Variants in PISD observed in about 807,000 individuals in gnomAD.
The protein encoded by PISD is phosphatidylserine decarboxylase.
In PISD, 31 loss-of-function variants were observed where a neutral mutation model predicts 43.5. That is an observed-to-expected ratio of 0.71 (90% CI 0.54 to 0.96). The LOEUF (loss-of-function observed/expected upper bound fraction) is 0.96, where lower values mean the gene tolerates loss of function less well. Among genes scored for constraint, PISD ranks in the 40% least tolerant of loss-of-function variants. The pLI, the probability that PISD is intolerant of heterozygous loss-of-function variation, is 0.00. For synonymous variants in PISD, 259 were observed against 228.7 expected (o/e 1.13, Z -1.20); for missense variants, 523 against 548.4 (o/e 0.95, Z 0.46).
intron 3 of PISD, among the ~76,000 whole-genome samples, chr22:31,639,532 G>A (rs55673702): frequency 0.093 from 14,127 of 152,178 alleles, 866 homozygotes; most frequent in African/African-American, 0.18. Flanking sequence ...CTAGCTGAAA[G>A]TGTATATTTT....
Position 31,624,587 on chromosome 22 carries a change from T to G in PISD, c.322-2702A>C, listed in dbSNP as rs145200600. Among the ~76,000 whole-genome samples the G allele has an allele frequency of 7.8e-4, 119 of 152,034 alleles. 1 individual carries two copies. Among genetic ancestry groups the G allele is most frequent in the Non-Finnish European group, 1.3e-3 (89 of 67,990 alleles). ...GGTTCTGAAAACCCATCCACAGGTT[T>G]GTGAACAAAACCTCCCCACCACAAG... On this transcript the variant is annotated intron_variant, in intron 3 of 7. Transcript: ENST00000439502.
rs1389283958 is a variant in PISD at position 31,619,202 on chromosome 22, TAAGGCCAA to T, written c.*402_*409del. The T allele has an allele frequency of 1.5e-5, 5 of 324,390 alleles. No individual in the cohort carries two copies. Among genetic ancestry groups the T allele is most frequent in the Admixed American group, 1.3e-4 (3 of 22,458 alleles). The allele number at this position is 324,390 out of a possible 1,614,324, so 20.1% of individuals were successfully genotyped here. A position where few individuals can be genotyped will look rare whatever the true frequency, so the allele number is the denominator to read the frequency against. On this transcript the variant is annotated 3_prime_UTR_variant, in exon 8 of 8. Transcript: ENST00000439502. The stretch of plus-strand genomic sequence containing the variant: ...ACCTCACCCTGTGCAGCAGGAGCGT[TAAGGCCAA>T]AAAACAAAAGGGGCCAACAGAAAAC...
chr22:31,653,510 T>A (rs2074088402), intron 1 of PISD, among the ~76,000 whole-genome samples: 1 of 152,150 alleles, frequency 6.6e-6, no homozygotes, highest in Non-Finnish European at 1.5e-5. Context: ...GGCACTCAGG[T>A]GGTTTGTTTT....
chr22:31,654,211 G>C (rs1380704047), intron 1 of PISD, among the ~76,000 whole-genome samples: 1 of 152,108 alleles, frequency 6.6e-6, no homozygotes, highest in African/African-American at 2.4e-5. Context: ...TGACACAGTT[G>C]ATCCTTCTCT....
At chr22:31,647,310 A>G (rs1395940393) in intron 3 of PISD, among the ~76,000 whole-genome samples, 1 of 152,206 alleles carries the variant, frequency 6.6e-6, no homozygotes, top group East Asian at 1.9e-4. Context: ...ACTTGCCTTC[A>G]GCATCCTAAT....
chr22:31,657,771 T>C (rs961555487), intron 1 of PISD, among the ~76,000 whole-genome samples: 1 of 151,610 alleles, frequency 6.6e-6, no homozygotes, highest in Middle Eastern at 3.2e-3. Context: ...TCCACCCGCC[T>C]GGGCCTCCAA....
At chr22:31,633,503 C>G (rs2073292518) in intron 3 of PISD, among the ~76,000 whole-genome samples, 1 of 152,072 alleles carries the variant, frequency 6.6e-6, no homozygotes, top group Non-Finnish European at 1.5e-5. Flanking sequence ...ATCACGAGGT[C>G]AGGAGATCGA....
intron 3 of PISD, among the ~76,000 whole-genome samples, chr22:31,645,501 T>C (rs1307360629): frequency 1.3e-5 from 2 of 149,308 alleles, no homozygotes; most frequent in Non-Finnish European, 3.0e-5. Flanking sequence ...GGTCAGGAGT[T>C]CGAGAGCAGC....
chr22:31,631,370 C>T (rs1314880038), intron 3 of PISD, among the ~76,000 whole-genome samples: 1 of 152,220 alleles, frequency 6.6e-6, no homozygotes, highest in Non-Finnish European at 1.5e-5. Flanking sequence ...CTTCCCGCAT[C>T]CCATCTTGAA....
intron 1 of PISD, among the ~76,000 whole-genome samples, chr22:31,657,385 T>A (rs2074209577): frequency 6.6e-6 from 1 of 152,208 alleles, no homozygotes; most frequent in East Asian, 1.9e-4. Flanking sequence ...TCCACCCGCC[T>A]CAGCCTCCCA....
chr22:31,627,270 C>T (rs926154478), intron 3 of PISD, among the ~76,000 whole-genome samples: 9 of 152,216 alleles, frequency 5.9e-5, no homozygotes, highest in African/African-American at 2.2e-4. Flanking sequence ...GGCAGGAGGG[C>T]GCCTACCCAC....
chr22:31,652,357 C>G (rs889512083), intron 1 of PISD, among the ~76,000 whole-genome samples: 1 of 151,816 alleles, frequency 6.6e-6, no homozygotes. Flanking sequence ...CCTCAAACTC[C>G]TGACCTCAAG....
At chr22:31,642,467 CAAAA>C (rs992052974) in intron 3 of PISD, among the ~76,000 whole-genome samples, 1 of 150,144 alleles carries the variant, frequency 6.7e-6, no homozygotes, top group Non-Finnish European at 1.5e-5. Context: ...AAAAGAAAAA[CAAAA>C]AACAAACAAA....
intron 3 of PISD, chr22:31,623,604 C>T (rs1397185052): frequency 7.3e-7 from 1 of 1,365,656 alleles, no homozygotes; most frequent in African/African-American, 1.4e-5. Context: ...CAGCTCGCCA[C>T]CACCTCAGTC....
intron 3 of PISD, among the ~76,000 whole-genome samples, chr22:31,637,204 T>TATATATATATACACACACACAC (rs1267117734): frequency 1.0e-5 from 1 of 95,836 alleles, no homozygotes; most frequent in Non-Finnish European, 2.0e-5. Flanking sequence ...TATATATATA[T>TATATATATATACACACACACAC]ATAGAAAAAT....
chr22:31,620,776 C>G, intron 6 of PISD, 63 bp from the exon 7 acceptor site: 1 of 1,589,148 alleles, frequency 6.3e-7, no homozygotes, highest in South Asian at 1.1e-5. Flanking sequence ...CCCATGGCAG[C>G]CAAGACCCAA....
chr22:31,633,957 C>T (rs1398856701), intron 3 of PISD, among the ~76,000 whole-genome samples: 3 of 152,322 alleles, frequency 2.0e-5, no homozygotes, highest in East Asian at 1.9e-4. Context: ...TTTATTTCCA[C>T]GCCTCCCACT....
At chr22:31,662,113 G>GC (rs2074336916) in intron 1 of PISD, 31 bp downstream of exon 1, 6 of 1,593,382 alleles carry the variant, frequency 3.8e-6, no homozygotes, top group African/African-American at 1.3e-5. Context: ...GTTGCCCCAC[G>GC]CCCCAAGGTA....
chr22:31,661,659 T>C (rs1056796414), intron 1 of PISD, among the ~76,000 whole-genome samples: 3 of 151,926 alleles, frequency 2.0e-5, no homozygotes, highest in Non-Finnish European at 4.4e-5. Flanking sequence ...CAGCTGGGGG[T>C]CACAAGGGTA....
Sources: gnomAD v4.1 joint callset for allele counts (sites outside exome capture counted in the v4.1 genomes callset) on GRCh38, gnomAD v4.1.1 for gene constraint, MANE v1.5 for transcripts, NCBI Gene and HGNC (gene_info 2026-07-23, HGNC 2026-07-21) for gene names.